CACNA1C: variants seen among roughly 807,000 people sequenced by gnomAD.
CACNA1C encodes the protein calcium voltage-gated channel subunit alpha1 C.
Under a neutral mutation model 229.0 loss-of-function variants are expected in CACNA1C, and 30 were observed. That is an observed-to-expected ratio of 0.13 (90% confidence interval 0.10 to 0.18). The LOEUF (loss-of-function observed/expected upper bound fraction) is 0.18, where lower values mean the gene tolerates loss of function less well. CACNA1C is among the 10% of genes least tolerant of loss of function. The pLI is 1.00. For missense variants in CACNA1C, 1,658 were observed against 2,845.0 expected (o/e 0.58, Z 9.49); for synonymous variants, 1,114 against 1,132.5 (o/e 0.98, Z 0.33).
intron 27 of CACNA1C, among the ~76,000 whole-genome samples, chr12:2,610,046 G>A (rs2076971413): frequency 1.3e-5 from 2 of 152,134 alleles, no homozygotes; most frequent in Admixed American, 1.3e-4. Context: ...AATCGCTTGA[G>A]CCCAGGAGAT....
intron 1 of CACNA1C, among the ~76,000 whole-genome samples, chr12:2,057,360 G>A (rs1362552142): frequency 6.6e-6 from 1 of 152,230 alleles, no homozygotes; most frequent in Non-Finnish European, 1.5e-5. Flanking sequence ...GGCCAGACCT[G>A]CAGTAGATGT....
rs180687515 is a variant in CACNA1C, at chr12:2,245,940, C to G, written c.477+125510C>G. On this transcript the variant is annotated intron_variant, in intron 3 of 46. Transcript: ENST00000399655. ...GCCCCAAGGGTTTCCAATAAGGGACCGTGGAGCTCTAGAAGGCCCTGCACA... is the reference window on the plus strand; with the variant it reads ...GCCCCAAGGGTTTCCAATAAGGGACGGTGGAGCTCTAGAAGGCCCTGCACA... Among the ~76,000 whole-genome samples the G allele has an allele frequency of 4.6e-5, 7 of 152,204 alleles. No individual in the cohort carries two copies. In the East Asian group the frequency reaches 9.7e-4, roughly 21 times the overall value.
At chr12:2,148,198 C>G (rs1055486927) in intron 3 of CACNA1C, among the ~76,000 whole-genome samples, 1 of 151,238 alleles carries the variant, frequency 6.6e-6, no homozygotes, top group African/African-American at 2.4e-5. Context: ...CCACAGAAAT[C>G]TCTGATAAAT....
chr12:2,542,081 A>G (rs1286492918), intron 9 of CACNA1C, among the ~76,000 whole-genome samples: 2 of 152,172 alleles, frequency 1.3e-5, no homozygotes, highest in Non-Finnish European at 2.9e-5. Flanking sequence ...AGCGGGCACC[A>G]AAGAGGATTT....
chr12:2,312,308 T>C (rs957162392), intron 3 of CACNA1C, among the ~76,000 whole-genome samples: 6 of 152,314 alleles, frequency 3.9e-5, no homozygotes, highest in Non-Finnish European at 7.4e-5. Context: ...GACTTCAGTA[T>C]CCTGCAGCGT....
chr12:2,338,276 G>C (rs1297696213), intron 3 of CACNA1C, among the ~76,000 whole-genome samples: 1 of 152,140 alleles, frequency 6.6e-6, no homozygotes, highest in Non-Finnish European at 1.5e-5. Flanking sequence ...TCAGAGAATC[G>C]GTAAATGAAG....
rs1222495913 is a variant in CACNA1C, at chr12:2,493,237, C to T, written c.964C>T (p.His322Tyr). The change falls in exon 7 of 47, where the codon CAC becomes TAC. Residue 322 changes from histidine to tyrosine, a missense_variant. His to Tyr is a moderately conservative substitution (Grantham distance 83). Coordinates refer to ENST00000399655, the MANE Select transcript of CACNA1C (RefSeq NM_000719.7). This position sits in a 1 kb window ranked among gnomAD's most constrained non-coding sequence, Gnocchi z 4.6. The stretch of plus-strand genomic sequence containing the variant: ...TTCCCCTTGTGCGCTGGAAACGGGC[C>T]ACGGGCGGCAGTGCCAGAACGGCAC... The part of the protein sequence containing the change: ...DPSPCALETG[H>Y]GRQCQNGTVC... 1 of 1,613,914 alleles carries T rather than the reference C, an allele frequency of 6.2e-7. No individual in the cohort carries two copies. The highest frequency in any genetic ancestry group is 1.3e-5 in the African/African-American group (1 of 74,936).
At position 2,403,080 on chromosome 12, in the gene CACNA1C, T is replaced by C. The variant is rs2098697768; in HGVS notation, c.478-45896T>C. ...GGCAGGGCAGAGGGACTTGTGTGTGTAGGCAGCAGCACACAGATACGGGGC... is the reference window on the plus strand; with the variant it reads ...GGCAGGGCAGAGGGACTTGTGTGTGCAGGCAGCAGCACACAGATACGGGGC... On this transcript the variant is annotated intron_variant, in intron 3 of 46. Coordinates refer to ENST00000399655, the MANE Select transcript of CACNA1C (RefSeq NM_000719.7). The surrounding 1 kb of genome is among the most constrained non-coding windows in gnomAD (Gnocchi z 4.1). Among the ~76,000 whole-genome samples, 1 of 152,158 alleles carries C rather than the reference T, an allele frequency of 6.6e-6. No homozygotes were observed. Among genetic ancestry groups the C allele is most frequent in the South Asian group, 2.1e-4 (1 of 4,824 alleles).
At chr12:2,475,645 G>A (rs527444609) in intron 5 of CACNA1C, among the ~76,000 whole-genome samples, 7 of 152,320 alleles carry the variant, frequency 4.6e-5, no homozygotes, top group African/African-American at 1.7e-4. Context: ...TATTGAACTA[G>A]AGAGAGGGCA....
At chr12:2,382,917 G>A (rs969786944) in intron 3 of CACNA1C, among the ~76,000 whole-genome samples, 5 of 152,094 alleles carry the variant, frequency 3.3e-5, no homozygotes, top group African/African-American at 1.2e-4. Context: ...GAAAGCCTTG[G>A]TATTAGTCAC....
At position 2,678,358 on chromosome 12, in the gene CACNA1C, T is replaced by G. The variant is rs2096931203; in HGVS notation, c.5091+491T>G. Among the ~76,000 whole-genome samples, 3 of 152,158 alleles carry G rather than the reference T, an allele frequency of 2.0e-5. No individual in the cohort carries two copies. The highest frequency in any genetic ancestry group is 4.4e-5 in the Non-Finnish European group (3 of 68,028). On this transcript the variant is annotated intron_variant, in intron 41 of 46. Coordinates refer to ENST00000399655, the MANE Select transcript of CACNA1C (RefSeq NM_000719.7). The surrounding 1 kb of genome is among the most constrained non-coding windows in gnomAD (Gnocchi z 4.1). ...TTGAGATGGAGCATAGCGTGTGTTC[T>G]CCAGGTCTCCAAGACCCCTCCAGAA...
intron 3 of CACNA1C, among the ~76,000 whole-genome samples, chr12:2,383,150 G>A (rs915985378): frequency 2.6e-5 from 4 of 152,194 alleles, no homozygotes; most frequent in African/African-American, 9.7e-5. Context: ...CTGTGTAGGT[G>A]TGCCTGGCTT....
chr12:2,445,048 C>T (rs1076345), intron 3 of CACNA1C, among the ~76,000 whole-genome samples: 28,164 of 152,138 alleles, frequency 0.19, 2,757 homozygotes, highest in Middle Eastern at 0.21. Context: ...CCTGCTACTT[C>T]AACACCCTCA....
In CACNA1C at chr12:2,632,156, C is replaced by T. The variant is rs1021090108; in HGVS notation, c.3829-2141C>T. Among the ~76,000 whole-genome samples the T allele has an allele frequency of 6.6e-6, 1 of 152,036 alleles. No individual in the cohort carries two copies. Among genetic ancestry groups the T allele is most frequent in the Non-Finnish European group, 1.5e-5 (1 of 68,012 alleles). The stretch of plus-strand genomic sequence containing the variant: ...TACTGGTCCCACTGAAAAAATGTGG[C>T]CAGCCCTGTCTTGTCCCCTTCGCAG... On this transcript the variant is annotated intron_variant, in intron 29 of 46. Coordinates refer to ENST00000399655, the MANE Select transcript of CACNA1C (RefSeq NM_000719.7). The surrounding 1 kb of genome is among the most constrained non-coding windows in gnomAD (Gnocchi z 4.1).
At chr12:2,050,926 G>A (rs1451224695), upstream of CACNA1C, among the ~76,000 whole-genome samples, 1 of 152,122 alleles carries the variant, frequency 6.6e-6, no homozygotes, top group Non-Finnish European at 1.5e-5. Context: ...TACATATTAT[G>A]TACTTACTAT....
At position 2,273,556 on chromosome 12, in the gene CACNA1C, A is replaced by G. The variant is rs556664753; in HGVS notation, c.477+153126A>G. ...GCAGGACGGCCAGAACCATGGAGAC[A>G]TGCTGCTGGTTTTGGAGATGGGGAG... On this transcript the variant is annotated intron_variant, in intron 3 of 46. Coordinates refer to ENST00000399655, the MANE Select transcript of CACNA1C (RefSeq NM_000719.7). Among the ~76,000 whole-genome samples the G allele has an allele frequency of 1.0e-3, 158 of 152,322 alleles. 1 individual carries two copies. The Middle Eastern group carries it at 0.017, about 16-fold the overall frequency.
chr12:2,357,210 C>T (rs2097396768), intron 3 of CACNA1C, among the ~76,000 whole-genome samples: 1 of 152,158 alleles, frequency 6.6e-6, no homozygotes, highest in East Asian at 1.9e-4. Flanking sequence ...TGCTGTTCCC[C>T]AGCTGCACGC....
intron 1 of CACNA1C, among the ~76,000 whole-genome samples, chr12:2,055,564 A>T (rs2054368546): frequency 6.6e-6 from 1 of 152,110 alleles, no homozygotes; most frequent in South Asian, 2.1e-4. Flanking sequence ...TCCCTGCTGT[A>T]TGCTGGGAGC....
Position 2,679,914 on chromosome 12 carries a change from G to C in CACNA1C, c.5444+118G>C. 1 of 741,168 alleles carries C rather than the reference G, an allele frequency of 1.3e-6. No homozygotes were observed. The highest frequency in any genetic ancestry group is 2.2e-6 in the Non-Finnish European group (1 of 454,840). 45.9% of individuals were successfully genotyped at this position (741,168 alleles called of 1,614,324 possible). ...CACTTGTCCCTCAAGCTTCCAGGAGGTTGCTGCCCCAGACTCCAGCAAGAG... is the reference window on the plus strand; with the variant it reads ...CACTTGTCCCTCAAGCTTCCAGGAGCTTGCTGCCCCAGACTCCAGCAAGAG... On this transcript the variant is annotated intron_variant, in intron 42 of 46. Transcript: ENST00000399655. This position sits in a 1 kb window ranked among gnomAD's most constrained non-coding sequence, Gnocchi z 5.5.
Sources: gnomAD v4.1 joint callset for allele counts (sites outside exome capture counted in the v4.1 genomes callset) on GRCh38, gnomAD v4.1.1 for gene constraint, Gnocchi (gnomAD v3.1) non-coding constraint, MANE v1.5 for transcripts, NCBI Gene and HGNC (gene_info 2026-07-23, HGNC 2026-07-21) for gene names.